The following GMDS variants were observed in gnomAD, a reference collection of about 807,000 sequenced individuals.
GMDS encodes the protein GDP-mannose 4,6-dehydratase.
GMDS carries 20 observed loss-of-function variants against 49.9 expected under a neutral mutation model. The ratio of observed to expected loss-of-function variants is 0.40; its 90% CI spans 0.28 to 0.58. GMDS has a LOEUF of 0.58. Ranked by LOEUF, GMDS falls within the 20% of genes least tolerant of loss-of-function variation. GMDS has a pLI of 0.42. For missense variants in GMDS, 362 were observed against 481.4 expected, an observed-to-expected ratio of 0.75 and a Z score of 2.32; for synonymous variants, 177 against 178.6, an observed-to-expected ratio of 0.99 and a Z score of 0.07.
chr6:1,901,189 C>T (rs954268204), intron 7 of GMDS, among the ~76,000 whole-genome samples: 1 of 152,174 alleles, frequency 6.6e-6, no homozygotes, highest in East Asian at 1.9e-4. Flanking sequence ...TGCCTGGAGT[C>T]GCCACATGGT....
rs533137896 is a variant in GMDS, at chr6:1,905,587, G to A, written c.771+24516C>T. ...CTGCATGTGGGGCCAGCACATAGCT[G>A]TGGGTGTTGGTGTGTAGGTGGGACC... On this transcript the variant is annotated intron_variant, in intron 7 of 10. Transcript: ENST00000380815. Among the ~76,000 whole-genome samples, 10 of 135,352 alleles carry A rather than the reference G, an allele frequency of 7.4e-5. No homozygotes were observed. In the East Asian group the frequency reaches 2.0e-3, roughly 28 times the overall value. The allele number at this position is 135,352 out of a possible 152,430, so 88.8% of individuals were successfully genotyped here. A position where few individuals can be genotyped will look rare whatever the true frequency, so the allele number is the denominator to read the frequency against.
At chr6:2,180,964 G>A (rs1306383270) in intron 1 of GMDS, among the ~76,000 whole-genome samples, 2 of 151,872 alleles carry the variant, frequency 1.3e-5, no homozygotes, top group Non-Finnish European at 2.9e-5. Context: ...TCAGGAGATC[G>A]AGACCATCCT....
At chr6:1,682,011 A>G (rs972505683) in intron 9 of GMDS, among the ~76,000 whole-genome samples, 19 of 151,098 alleles carry the variant, frequency 1.3e-4, no homozygotes, top group African/African-American at 4.4e-4. Context: ...TTTTCTTAAT[A>G]TGGAAAGATA....
At chr6:1,965,525 A>G (rs1259072740) in intron 4 of GMDS, among the ~76,000 whole-genome samples, 1 of 152,178 alleles carries the variant, frequency 6.6e-6, no homozygotes, top group Non-Finnish European at 1.5e-5. Flanking sequence ...ATCAATTCCT[A>G]AAGCTTAGAA....
intron 9 of GMDS, among the ~76,000 whole-genome samples, chr6:1,644,150 C>A (rs1243113062): frequency 6.6e-6 from 1 of 152,230 alleles, no homozygotes; most frequent in Non-Finnish European, 1.5e-5. Flanking sequence ...ATACTAGTAG[C>A]CTGCAGCCAC....
At chr6:1,998,289 T>G (rs546440021) in intron 4 of GMDS, among the ~76,000 whole-genome samples, 9 of 152,080 alleles carry the variant, frequency 5.9e-5, no homozygotes, top group Admixed American at 3.3e-4. Flanking sequence ...AAATACCAGA[T>G]AAGAATATTG....
At chr6:2,198,552 CAAAT>C (rs1013202509) in intron 1 of GMDS, among the ~76,000 whole-genome samples, 1 of 90,430 alleles carries the variant, frequency 1.1e-5, no homozygotes, top group Admixed American at 1.1e-4. Flanking sequence ...GGATAAGAAA[CAAAT>C]AAACAAAAAA....
In GMDS at chr6:2,154,647, C is replaced by T. The variant is rs1265932728; in HGVS notation, c.103-29916G>A. On this transcript the variant is annotated intron_variant, in intron 1 of 10. Coordinates refer to ENST00000380815, the MANE Select transcript of GMDS (RefSeq NM_001500.4). ...CATTCATTGTCTGGTGCCACCCAAA[C>T]GTTGTTCTCTTGACTAATTCTAGGG... is the stretch of plus-strand genomic sequence containing the variant. Among the ~76,000 whole-genome samples the T allele has an allele frequency of 3.9e-5, 6 of 151,902 alleles. No individual in the cohort carries two copies. In the East Asian group the frequency reaches 7.7e-4, roughly 20 times the overall value.
At chr6:1,737,789 AC>A in intron 8 of GMDS, among the ~76,000 whole-genome samples, 1 of 108,738 alleles carries the variant, frequency 9.2e-6, no homozygotes, top group Non-Finnish European at 2.0e-5. Context: ...ACATACATAC[AC>A]ACATACATAC....
At chr6:1,816,050 G>T (rs989464870) in intron 7 of GMDS, among the ~76,000 whole-genome samples, 1 of 152,222 alleles carries the variant, frequency 6.6e-6, no homozygotes, top group Admixed American at 6.5e-5. Flanking sequence ...AAACGAGCAC[G>T]CATGCTCACT....
At chr6:1,939,214 A>G (rs1055413673) in intron 6 of GMDS, among the ~76,000 whole-genome samples, 2 of 151,960 alleles carry the variant, frequency 1.3e-5, no homozygotes, top group Non-Finnish European at 2.9e-5. Flanking sequence ...ATTACTTGTT[A>G]TTTATGCTGA....
intron 1 of GMDS, among the ~76,000 whole-genome samples, chr6:2,145,598 A>G: frequency 6.6e-6 from 1 of 152,112 alleles, no homozygotes; most frequent in Non-Finnish European, 1.5e-5. Flanking sequence ...GGAAACACAG[A>G]TGGCCCGCTG....
chr6:2,111,108 C>T (rs145849274), intron 4 of GMDS, among the ~76,000 whole-genome samples: 1 of 152,228 alleles, frequency 6.6e-6, no homozygotes, highest in African/African-American at 2.4e-5. Flanking sequence ...TAAAGAAGCT[C>T]CAAGACATGG....
chr6:2,192,057 G>A (rs1425377129), intron 1 of GMDS, among the ~76,000 whole-genome samples: 1 of 152,208 alleles, frequency 6.6e-6, no homozygotes, highest in Non-Finnish European at 1.5e-5. Context: ...ATGACCAGAT[G>A]CAGAGAGGAG....
In GMDS at chr6:1,918,038, A is replaced by G. The variant is rs545063370; in HGVS notation, c.771+12065T>C. On this transcript the variant is annotated intron_variant, in intron 7 of 10. Coordinates refer to ENST00000380815, the MANE Select transcript of GMDS (RefSeq NM_001500.4). Reference sequence around the variant, plus strand: ...GCCACTGTCAAATAAATACATAAGAATCTTTAAATTCTATATGTATTTAAA... The same window carrying G: ...GCCACTGTCAAATAAATACATAAGAGTCTTTAAATTCTATATGTATTTAAA... 1.1e-4 allele frequency among the ~76,000 whole-genome samples: 16 copies of G among 152,312 alleles called. No homozygotes were observed. In the South Asian group the frequency reaches 1.2e-3, roughly 12 times the overall value.
At chr6:1,966,622 G>A (rs141564676) in intron 4 of GMDS, among the ~76,000 whole-genome samples, 4 of 152,198 alleles carry the variant, frequency 2.6e-5, no homozygotes, top group Non-Finnish European at 4.4e-5. Flanking sequence ...CACTCAGTCC[G>A]AGGTCTCAAT....
chr6:1,823,127 G>GTAATA (rs1447314058), intron 7 of GMDS, among the ~76,000 whole-genome samples: 3 of 151,936 alleles, frequency 2.0e-5, no homozygotes, highest in Admixed American at 1.3e-4. Flanking sequence ...AAAATATTTG[G>GTAATA]CAAAACTCAT....
chr6:1,914,127 G>GTTTTTTTTTT (rs1225983780), intron 7 of GMDS, among the ~76,000 whole-genome samples: 2 of 50,024 alleles, frequency 4.0e-5, no homozygotes, highest in Non-Finnish European at 7.5e-5. Flanking sequence ...AGCGTTTTTT[G>GTTTTTTTTTT]TTTGTTTTTT....
intron 8 of GMDS, among the ~76,000 whole-genome samples, chr6:1,741,568 T>C (rs921184836): frequency 1.1e-4 from 16 of 152,082 alleles, no homozygotes; most frequent in African/African-American, 3.4e-4. Context: ...CCCAGCACTT[T>C]GGGAGGCCAA....
Sources: allele counts gnomAD v4.1 joint callset (sites outside exome capture counted in the v4.1 genomes callset), GRCh38; gene constraint gnomAD v4.1.1; transcripts MANE v1.5; gene names NCBI Gene and HGNC (gene_info 2026-07-23, HGNC 2026-07-21).